Variants in MTLN observed in about 807,000 individuals in gnomAD.
MTLN encodes the protein mitoregulin, also known as TP53-inhibiting lncRNA.
Position 110,212,387 on chromosome 2 carries a change from C to T in MTLN, c.139G>A (p.Ala47Thr). Residue 47 changes from alanine (A) to threonine (T), a missense_variant, in exon 1 of 2, where the codon GCG becomes ACG. By Grantham distance (58) the Ala-to-Thr change is moderately conservative. Transcript: ENST00000611969. ...WRKRRLQDKL[A>T]ATQKKLDLA ...AGGTCCAGCTTCTTCTGCGTCGCCG[C>T]CAGCTTGTCCTGCAGCCTCCTTTTC... The T allele has an allele frequency of 2.5e-6, 1 of 398,646 alleles. No individual in the cohort carries two copies. Among genetic ancestry groups the T allele is most frequent in the East Asian group, 3.6e-5 (1 of 28,068 alleles). 24.7% of individuals were successfully genotyped at this position (398,646 alleles called of 1,614,324 possible).
At chr2:110,212,073 A>C in intron 1 of MTLN, 142 bp downstream of exon 1, 1 of 314,892 alleles carries the variant, frequency 3.2e-6, no homozygotes, top group Non-Finnish European at 5.8e-6. Flanking sequence ...CCGAAGAGCA[A>C]GTTATCAGGG....
At position 110,212,499 on chromosome 2, in the gene MTLN, C is replaced by T; in HGVS notation, c.27G>A (p.Leu9=). 2.5e-6 allele frequency: 1 copy of T among 398,940 alleles called. No individual in the cohort carries two copies. Among genetic ancestry groups the T allele is most frequent in the Admixed American group, 4.4e-5 (1 of 22,740 alleles). 24.7% of individuals were successfully genotyped at this position (398,940 alleles called of 1,614,324 possible). A position where few individuals can be genotyped will look rare whatever the true frequency, so the allele number is the denominator to read the frequency against. The change falls in exon 1 of 2, where the codon CTG becomes CTA. Residue 9 remains leucine (L), a synonymous_variant. Coordinates refer to ENST00000611969, the MANE Select transcript of MTLN (RefSeq NM_001384134.1). The stretch of plus-strand genomic sequence containing the variant: ...CGAAGGCTACTAGCACGGACAACTG[C>T]AGTGTCCTCTCTGACACATCCGCCA... MADVSERT[L]QLSVLVAFAS...
chr2:110,212,505 C>A lies in MTLN; in HGVS notation c.21G>T (p.Arg7Ser). Residue 7 changes from arginine to serine, a missense_variant, in exon 1 of 2, where the codon AGG becomes AGT. Arg to Ser is a moderately radical substitution (Grantham distance 110, BLOSUM62 -1). Transcript: ENST00000611969. The part of the protein sequence containing the change: MADVSE[R>S]TLQLSVLVAF... ...CTACTAGCACGGACAACTGCAGTGT[C>A]CTCTCTGACACATCCGCCATGGCTG... 2.5e-6 allele frequency: 1 copy of A among 398,960 alleles called. No individual in the cohort carries two copies. The allele number at this position is 398,960 out of a possible 1,614,324, so 24.7% of individuals were successfully genotyped here.
Position 110,212,538 on chromosome 2 carries a change from C to G in MTLN, c.-13G>C, listed in dbSNP as rs1686123190. On this transcript the variant is annotated 5_prime_UTR_variant, in exon 1 of 2. Transcript: ENST00000611969. ...ACACATCCGCCATGGCTGCCGCCGG[C>G]GTGCAGCGCGGTCTACGGCGCGGCG... 1 of 398,788 alleles carries G rather than the reference C, an allele frequency of 2.5e-6. No individual in the cohort carries two copies. The highest frequency in any genetic ancestry group is 1.3e-4 in the South Asian group (1 of 7,860). The allele number at this position is 398,788 out of a possible 1,614,324, so 24.7% of individuals were successfully genotyped here.
In MTLN at chr2:110,212,421, C is replaced by T. The variant is rs1686119350; in HGVS notation, c.105G>A (p.Leu35=). 1 of 399,390 alleles carries T rather than the reference C, an allele frequency of 2.5e-6. No homozygotes were observed. Among genetic ancestry groups the T allele is most frequent in the Admixed American group, 4.4e-5 (1 of 22,720 alleles). 24.7% of individuals were successfully genotyped at this position (399,390 alleles called of 1,614,324 possible). ...CCTGCAGCCTCCTTTTCCTCCAGTC[C>T]AAGTAGCGCCTCCGCAGTCGGTTCG... ...WQANRLRRRY[L]DWRKRRLQDK... The change falls in exon 1 of 2, where the codon TTG becomes TTA. Residue 35 remains leucine, a synonymous_variant. Coordinates refer to ENST00000611969, the MANE Select transcript of MTLN (RefSeq NM_001384134.1).
chr2:110,212,039 C>T (rs896572713), intron 1 of MTLN, among the ~76,000 whole-genome samples, 176 bp downstream of exon 1: 1 of 152,168 alleles, frequency 6.6e-6, no homozygotes, highest in African/African-American at 2.4e-5. Context: ...TCTCATTAAA[C>T]ACCCAGTGAA....
Position 110,212,489 on chromosome 2 carries a change from C to T in MTLN, c.37G>A (p.Val13Met), listed in dbSNP as rs1686121150. The T allele has an allele frequency of 7.5e-6, 3 of 398,980 alleles. No individual in the cohort carries two copies. The highest frequency in any genetic ancestry group is 4.1e-5 in the African/African-American group (2 of 48,756). 24.7% of individuals were successfully genotyped at this position (398,980 alleles called of 1,614,324 possible). A position where few individuals can be genotyped will look rare whatever the true frequency, so the allele number is the denominator to read the frequency against. ...DVSERTLQLS[V>M]LVAFASGVLL... ...ACTCCAGAAGCGAAGGCTACTAGCA[C>T]GGACAACTGCAGTGTCCTCTCTGAC... Residue 13 changes from valine to methionine, a missense_variant, in exon 1 of 2, where the codon GTG becomes ATG. Val to Met is a conservative substitution (Grantham distance 21, BLOSUM62 1). Transcript: ENST00000611969.
intron 1 of MTLN, 52 bp from the exon 2 acceptor site, chr2:110,211,674 C>T (rs943011386): frequency 6.6e-6 from 1 of 152,132 alleles, no homozygotes; most frequent in Non-Finnish European, 1.5e-5. Context: ...TCTGAAACTT[C>T]AAGCCGTACT....
rs369596823 is a variant in MTLN at position 110,212,185 on chromosome 2, C to T, written c.*140+30G>A. On this transcript the variant is annotated intron_variant, in intron 1 of 1. Coordinates refer to ENST00000611969, the MANE Select transcript of MTLN (RefSeq NM_001384134.1). ...ATATCCGCCCGACCCCAAAGTCTCC[C>T]TTTGCAATGTCACTATGTGTACTGC... The T allele has an allele frequency of 7.0e-4, 277 of 395,960 alleles. 2 individuals are homozygous for T. Among genetic ancestry groups the T allele is most frequent in the African/African-American group, 5.4e-3 (263 of 48,690 alleles). The allele number at this position is 395,960 out of a possible 1,614,324, so 24.5% of individuals were successfully genotyped here.
At chr2:110,211,932 T>A (rs1350068105) in intron 1 of MTLN, among the ~76,000 whole-genome samples, 1 of 152,214 alleles carries the variant, frequency 6.6e-6, no homozygotes, top group African/African-American at 2.4e-5. Flanking sequence ...CAAGATCACC[T>A]CCCTGGTTCT....
chr2:110,212,010 T>C (rs759209170), intron 1 of MTLN, among the ~76,000 whole-genome samples: 6 of 152,174 alleles, frequency 3.9e-5, no homozygotes, highest in Admixed American at 6.5e-5. Flanking sequence ...AACGACGACA[T>C]AGCACGTTGG....
intron 1 of MTLN, 40 bp from the exon 2 acceptor site, chr2:110,211,662 A>T (rs1349368078): frequency 6.6e-6 from 1 of 152,200 alleles, no homozygotes; most frequent in East Asian, 1.9e-4. Context: ...AGAAATACAC[A>T]ATCTGAAACT....
rs2104740447 is a variant in MTLN at position 110,211,608 on chromosome 2, T to C, written c.*155A>G. The C allele has an allele frequency of 6.6e-6, 1 of 152,304 alleles. No individual in the cohort carries two copies. Among genetic ancestry groups the C allele is most frequent in the East Asian group, 1.9e-4 (1 of 5,176 alleles). The allele number at this position is 152,304 out of a possible 1,614,324, so 9.4% of individuals were successfully genotyped here. A position where few individuals can be genotyped will look rare whatever the true frequency, so the allele number is the denominator to read the frequency against. ...AGTCATTTCTTTCCGGTAGTCTATA[T>C]GCATCTTCAACAAGCTGTTAGAAAC... On this transcript the variant is annotated 3_prime_UTR_variant, in exon 2 of 2. Transcript: ENST00000611969.
At chr2:110,212,154 C>T (rs762466074) in intron 1 of MTLN, 61 bp downstream of exon 1, 2 of 389,382 alleles carry the variant, frequency 5.1e-6, no homozygotes, top group Non-Finnish European at 9.1e-6. Context: ...CAGAGTTGAT[C>T]CTAAGATATC....
rs1490218123 is a variant in MTLN at position 110,212,319 on chromosome 2, A to G, written c.*36T>C. On this transcript the variant is annotated 3_prime_UTR_variant, in exon 1 of 2. Transcript: ENST00000611969. ...CCGGCGCGGACATGGCAAGGTGGCC[A>G]TGAGGGGGACAGAATGGGGCGGAAG... is the stretch of plus-strand genomic sequence containing the variant. 2 of 340,228 alleles carry G rather than the reference A, an allele frequency of 5.9e-6. No homozygotes were observed. Among genetic ancestry groups the G allele is most frequent in the Non-Finnish European group, 9.7e-6 (2 of 207,038 alleles). 21.1% of individuals were successfully genotyped at this position (340,228 alleles called of 1,614,324 possible).
rs1388412644 is a variant in MTLN, at chr2:110,212,330, A to T, written c.*25T>A. 2 of 396,486 alleles carry T rather than the reference A, an allele frequency of 5.0e-6. No homozygotes were observed. The highest frequency in any genetic ancestry group is 7.1e-5 in the East Asian group (2 of 28,034). The allele number at this position is 396,486 out of a possible 1,614,324, so 24.6% of individuals were successfully genotyped here. Reference sequence around the variant, plus strand: ...ATGGCAAGGTGGCCATGAGGGGGACAGAATGGGGCGGAAGGCGCAGAGTCT... The same window carrying T: ...ATGGCAAGGTGGCCATGAGGGGGACTGAATGGGGCGGAAGGCGCAGAGTCT... On this transcript the variant is annotated 3_prime_UTR_variant, in exon 1 of 2. Coordinates refer to ENST00000611969, the MANE Select transcript of MTLN (RefSeq NM_001384134.1).
At chr2:110,211,987 T>A (rs141807131) in intron 1 of MTLN, among the ~76,000 whole-genome samples, 5 of 152,164 alleles carry the variant, frequency 3.3e-5, no homozygotes, top group African/African-American at 1.2e-4. Context: ...TGATGTTTAA[T>A]GTTGTCAGGA....
At position 110,212,497 on chromosome 2, in the gene MTLN, T is replaced by A; in HGVS notation, c.29A>T (p.Gln10Leu). ...AGCGAAGGCTACTAGCACGGACAAC[T>A]GCAGTGTCCTCTCTGACACATCCGC... Reference protein sequence around the residue: MADVSERTLQLSVLVAFASG... With the variant: MADVSERTLLLSVLVAFASG... The change falls in exon 1 of 2, where the codon CAG becomes CTG. Residue 10 changes from glutamine to leucine, a missense_variant. By Grantham distance (113) the Gln-to-Leu change is moderately radical. Coordinates refer to ENST00000611969, the MANE Select transcript of MTLN (RefSeq NM_001384134.1). 2.5e-6 allele frequency: 1 copy of A among 398,850 alleles called. No homozygotes were observed. Among genetic ancestry groups the A allele is most frequent in the Admixed American group, 4.4e-5 (1 of 22,734 alleles). 24.7% of individuals were successfully genotyped at this position (398,850 alleles called of 1,614,324 possible).
chr2:110,212,106 G>C (rs1426900993), intron 1 of MTLN, 109 bp downstream of exon 1: 2 of 363,496 alleles, frequency 5.5e-6, no homozygotes, highest in African/African-American at 4.2e-5. Flanking sequence ...CCACCTTCTG[G>C]TGTCTGTGGG....
Sources: allele counts gnomAD v4.1 joint callset (sites outside exome capture counted in the v4.1 genomes callset), GRCh38; gene constraint gnomAD v4.1.1; transcripts MANE v1.5; gene names NCBI Gene and HGNC (gene_info 2026-07-23, HGNC 2026-07-21).